CHN2: variants seen among roughly 807,000 people sequenced by gnomAD.
CHN2 encodes beta-chimaerin.
Under a neutral mutation model 56.3 loss-of-function variants are expected in CHN2, and 35 were observed. The ratio of observed to expected loss-of-function variants is 0.62; its 90% confidence interval spans 0.47 to 0.82. The LOEUF is 0.82. CHN2 is among the 40% of genes least tolerant of loss of function. CHN2 has a pLI of 0.00. For synonymous variants in CHN2, 210 were observed against 212.8 expected, an observed-to-expected ratio of 0.99 and a Z score of 0.12; for missense variants, 491 against 580.5, an observed-to-expected ratio of 0.85 and a Z score of 1.58.
chr7:29,425,845 G>T (rs992946289), intron 6 of CHN2, among the ~76,000 whole-genome samples: 1 of 152,102 alleles, frequency 6.6e-6, no homozygotes, highest in Non-Finnish European at 1.5e-5. Flanking sequence ...AGAATTTGCT[G>T]TACATATCTT....
At chr7:29,296,309 T>C (rs1045163860) in intron 1 of CHN2, among the ~76,000 whole-genome samples, 1 of 152,158 alleles carries the variant, frequency 6.6e-6, no homozygotes, top group African/African-American at 2.4e-5. Context: ...GGTCTCGAAC[T>C]CCTAACCTCA....
At chr7:29,201,136 A>G (rs763373360) in intron 1 of CHN2, among the ~76,000 whole-genome samples, 15 of 152,242 alleles carry the variant, frequency 9.9e-5, no homozygotes, top group Non-Finnish European at 1.8e-4. Flanking sequence ...ATTATTTTAA[A>G]TCAACCAGTA....
chr7:29,368,023 A>G (rs1455899594), intron 3 of CHN2, 36 bp downstream of exon 3: 2 of 1,563,874 alleles, frequency 1.3e-6, no homozygotes, highest in Admixed American at 3.5e-5. Flanking sequence ...ACCTTGTTAA[A>G]TATGATGAAT....
At chr7:29,427,890 C>G (rs1337165600) in intron 6 of CHN2, among the ~76,000 whole-genome samples, 1 of 152,062 alleles carries the variant, frequency 6.6e-6, no homozygotes, top group African/African-American at 2.4e-5. Context: ...CTCTTGACCT[C>G]ATGATCCACC....
At chr7:29,168,724 G>A (rs1796227639) in intron 2 of CHN2, among the ~76,000 whole-genome samples, 1 of 152,120 alleles carries the variant, frequency 6.6e-6, no homozygotes, top group East Asian at 1.9e-4. Context: ...TAATCAGATG[G>A]CTAAACACAC....
intron 7 of CHN2, among the ~76,000 whole-genome samples, chr7:29,486,772 TG>T (rs1788058736): frequency 6.6e-6 from 1 of 152,144 alleles, no homozygotes; most frequent in Non-Finnish European, 1.5e-5. Flanking sequence ...CGTGCTATCC[TG>T]GAGGCCAGGA....
chr7:29,155,316 A>G (rs1470903729), intron 2 of CHN2, among the ~76,000 whole-genome samples: 1 of 152,206 alleles, frequency 6.6e-6, no homozygotes, highest in Non-Finnish European at 1.5e-5. Context: ...AAAATAAATA[A>G]ATAGAACTCT....
At chr7:29,460,640 G>A (rs1003191878) in intron 6 of CHN2, among the ~76,000 whole-genome samples, 9 of 152,236 alleles carry the variant, frequency 5.9e-5, no homozygotes, top group African/African-American at 2.2e-4. Flanking sequence ...CTCTGATTTG[G>A]CTTCAGGACC....
chr7:29,408,912 C>A (rs559736034), intron 6 of CHN2, among the ~76,000 whole-genome samples: 1 of 152,212 alleles, frequency 6.6e-6, no homozygotes, highest in African/African-American at 2.4e-5. Context: ...TTTAGAGACA[C>A]GGCTCCCGAG....
intron 1 of CHN2, among the ~76,000 whole-genome samples, chr7:29,269,806 C>A (rs114044404): frequency 1.4e-3 from 217 of 152,318 alleles, no homozygotes; most frequent in African/African-American, 4.9e-3. Context: ...GGGCTGGGAA[C>A]GGTGTGGCTC....
At chr7:29,423,040 C>T (rs965282281) in intron 6 of CHN2, among the ~76,000 whole-genome samples, 2 of 152,176 alleles carry the variant, frequency 1.3e-5, no homozygotes, top group Non-Finnish European at 2.9e-5. Context: ...TTGGCCTGTT[C>T]GTACCAAACC....
chr7:29,228,174 A>G (rs1470862687), intron 1 of CHN2, among the ~76,000 whole-genome samples: 1 of 150,784 alleles, frequency 6.6e-6, no homozygotes. Flanking sequence ...ACACACACAC[A>G]CACGTGTGTG....
chr7:29,453,003 T>G (rs1784509565), intron 6 of CHN2, among the ~76,000 whole-genome samples: 2 of 152,238 alleles, frequency 1.3e-5, no homozygotes, highest in African/African-American at 4.8e-5. Flanking sequence ...CAAATTTATA[T>G]TTCTTAATGT....
chr7:29,265,652 G>A (rs377620235), intron 1 of CHN2, among the ~76,000 whole-genome samples: 1 of 152,300 alleles, frequency 6.6e-6, no homozygotes, highest in African/African-American at 2.4e-5. Flanking sequence ...CAGGAGGCAG[G>A]CTTGAGAGAG....
chr7:29,172,821 T>G (rs939063807), intron 2 of CHN2, among the ~76,000 whole-genome samples: 2 of 152,078 alleles, frequency 1.3e-5, no homozygotes, highest in South Asian at 2.1e-4. Context: ...TCACTAGATA[T>G]CTGGAGAAGC....
chr7:29,497,510 A>G (rs1446813762), intron 8 of CHN2, among the ~76,000 whole-genome samples: 2 of 151,284 alleles, frequency 1.3e-5, no homozygotes, highest in Admixed American at 6.6e-5. Context: ...TTTAAATAAG[A>G]CATTTTCTGA....
chr7:29,366,564 C>G (rs1799178521), intron 2 of CHN2, among the ~76,000 whole-genome samples: 1 of 152,200 alleles, frequency 6.6e-6, no homozygotes, highest in Non-Finnish European at 1.5e-5. Context: ...TCATTGGGAT[C>G]TGAAGGCTCT....
upstream of CHN2, among the ~76,000 whole-genome samples, chr7:29,189,807 A>G (rs1782654665): frequency 6.6e-6 from 1 of 152,010 alleles, no homozygotes; most frequent in Admixed American, 6.5e-5. Context: ...GCCAAATAGG[A>G]TACTCCAGGC....
intron 11 of CHN2, among the ~76,000 whole-genome samples, chr7:29,508,529 G>A (rs1790884672): frequency 6.6e-6 from 1 of 151,944 alleles, no homozygotes; most frequent in Non-Finnish European, 1.5e-5. Flanking sequence ...AGTGTGAGAT[G>A]CACTTTTCGG....
Sources: gnomAD v4.1 joint callset for allele counts (sites outside exome capture counted in the v4.1 genomes callset) on GRCh38, gnomAD v4.1.1 for gene constraint, MANE v1.5 for transcripts, NCBI Gene and HGNC (gene_info 2026-07-23, HGNC 2026-07-21) for gene names.